The following DLGAP1 variants were observed in gnomAD, a reference collection of about 807,000 sequenced individuals.
DLGAP1 encodes the protein DLG associated protein 1.
A neutral mutation model predicts 90.8 loss-of-function variants in DLGAP1; 11 were observed. That is an observed-to-expected ratio of 0.12 (90% CI 0.08 to 0.20). DLGAP1 has a LOEUF of 0.20. Ranked by LOEUF, DLGAP1 falls within the 10% of genes least tolerant of loss-of-function variation. The probability of loss-of-function intolerance (pLI) is 1.00; values close to 1 mark genes in which losing one functional copy is unlikely to be tolerated. For missense variants in DLGAP1, 1,050 were observed against 1,333.8 expected, an observed-to-expected ratio of 0.79 and a Z score of 3.31; for synonymous variants, 558 against 540.7, an observed-to-expected ratio of 1.03 and a Z score of -0.44.
chr18:3,713,139 G>T lies in DLGAP1; in HGVS notation c.1591+15996C>A, dbSNP rs760575854. Among the ~76,000 whole-genome samples, 30 of 152,182 alleles carry T rather than the reference G, an allele frequency of 2.0e-4. No individual in the cohort carries two copies. The Middle Eastern group carries it at 0.013, about 64-fold the overall frequency. On this transcript the variant is annotated intron_variant, in intron 7 of 12. Coordinates refer to ENST00000315677, the MANE Select transcript of DLGAP1 (RefSeq NM_004746.4). ...CTGAACCACCAACAAGTACAGCCTGGGTTCGTGTGGACTCAGGACCATTCT... is the reference window on the plus strand; with the variant it reads ...CTGAACCACCAACAAGTACAGCCTGTGTTCGTGTGGACTCAGGACCATTCT...
chr18:3,893,368 G>T (rs2071528055), intron 3 of DLGAP1, among the ~76,000 whole-genome samples: 2 of 151,946 alleles, frequency 1.3e-5, no homozygotes, highest in South Asian at 4.2e-4. Context: ...CCTGAGGTCA[G>T]GAGTTCGAGA....
intron 1 of DLGAP1, among the ~76,000 whole-genome samples, chr18:4,356,613 C>A (rs1242971100): frequency 6.6e-6 from 1 of 152,172 alleles, no homozygotes; most frequent in Non-Finnish European, 1.5e-5. Context: ...TTTCCCGCCA[C>A]CTTTACTGTT....
intron 2 of DLGAP1, among the ~76,000 whole-genome samples, chr18:4,039,484 C>T (rs1454864641): frequency 6.6e-6 from 1 of 152,010 alleles, no homozygotes; most frequent in Non-Finnish European, 1.5e-5. Flanking sequence ...TTAATTATTC[C>T]ATCAAATAAA....
intron 10 of DLGAP1, among the ~76,000 whole-genome samples, chr18:3,524,574 C>T (rs1264030635): frequency 6.6e-6 from 1 of 152,158 alleles, no homozygotes; most frequent in Non-Finnish European, 1.5e-5. Context: ...CAAATATACA[C>T]AAAATTTATT....
chr18:3,989,389 A>G (rs2073914453), intron 3 of DLGAP1, among the ~76,000 whole-genome samples: 1 of 152,210 alleles, frequency 6.6e-6, no homozygotes, highest in Non-Finnish European at 1.5e-5. Context: ...TGGCAGGCTC[A>G]GGAGGCTGTG....
At chr18:4,151,425 AT>A (rs2076673063) in intron 1 of DLGAP1, 138 bp from the exon 2 acceptor site, 1 of 152,226 alleles carries the variant, frequency 6.6e-6, no homozygotes, top group Admixed American at 6.5e-5. Context: ...GAAAATCTAC[AT>A]GGCCGTGTTC....
At chr18:3,758,397 A>G (rs149410580) in intron 5 of DLGAP1, among the ~76,000 whole-genome samples, 1,615 of 152,338 alleles carry the variant, frequency 0.011, 36 homozygotes, top group African/African-American at 0.037. Flanking sequence ...CTATGAAGCT[A>G]TAATAACGGG....
chr18:4,248,657 A>G (rs1187261290), intron 1 of DLGAP1: 1 of 152,284 alleles, frequency 6.6e-6, no homozygotes, highest in Non-Finnish European at 1.5e-5. Context: ...CTCCACCTGG[A>G]TGTCTATTAC....
At chr18:3,725,690 C>T (rs922759024) in intron 7 of DLGAP1, among the ~76,000 whole-genome samples, 1 of 152,158 alleles carries the variant, frequency 6.6e-6, no homozygotes, top group Admixed American at 6.5e-5. Flanking sequence ...AAGTAGATTA[C>T]AGGCTGAAAG....
chr18:3,659,107 T>G (rs1258743000), intron 7 of DLGAP1, among the ~76,000 whole-genome samples: 1 of 152,202 alleles, frequency 6.6e-6, no homozygotes, highest in Non-Finnish European at 1.5e-5. Flanking sequence ...GGTAGGCCTT[T>G]ATATTGGGAA....
chr18:3,878,600 G>C (rs557622875), intron 4 of DLGAP1, among the ~76,000 whole-genome samples: 1 of 152,162 alleles, frequency 6.6e-6, no homozygotes. Context: ...TGGAAGCTCA[G>C]GTCGGGGTGT....
In DLGAP1 at chr18:3,600,745, T is replaced by TAG. The variant is rs1568277588; in HGVS notation, c.1592-18499_1592-18498dup. ...AGAGATATAGATATATATAGATATA[T>TAG]AGATATATATAGATATATAGATATA... is the stretch of plus-strand genomic sequence containing the variant. On this transcript the variant is annotated intron_variant, in intron 7 of 12. Transcript: ENST00000315677. Among the ~76,000 whole-genome samples the TAG allele has an allele frequency of 3.8e-3, 250 of 65,288 alleles. 62 individuals carry two copies. The highest frequency in any genetic ancestry group is 5.4e-3 in the South Asian group (11 of 2,052). 42.8% of individuals were successfully genotyped at this position (65,288 alleles called of 152,430 possible).
rs189775696 is a variant in DLGAP1, at chr18:4,305,958, C to T, written c.-267+149048G>A. Among the ~76,000 whole-genome samples the T allele has an allele frequency of 7.6e-4, 114 of 149,050 alleles. 1 individual carries two copies. In the South Asian group the frequency reaches 9.1e-3, roughly 12 times the overall value. ...TAGGTTTTAGTTTTGGGGAAGTTAT[C>T]GAGTAGAATGCTATCAGTCTCATTA... On this transcript the variant is annotated intron_variant, in intron 1 of 12. Transcript: ENST00000315677.
At chr18:4,298,775 A>T (rs561747222) in intron 1 of DLGAP1, among the ~76,000 whole-genome samples, 166 of 151,978 alleles carry the variant, frequency 1.1e-3, no homozygotes, top group African/African-American at 1.7e-3. Flanking sequence ...AATAAATAAA[A>T]AAAAAAAAGC....
At chr18:4,449,467 A>C (rs1394781986) in intron 1 of DLGAP1, among the ~76,000 whole-genome samples, 2 of 152,172 alleles carry the variant, frequency 1.3e-5, no homozygotes, top group African/African-American at 4.8e-5. Context: ...CATTGCAAAG[A>C]AGTGCCATGC....
chr18:4,086,032 A>G (rs2075676016), intron 2 of DLGAP1, among the ~76,000 whole-genome samples: 1 of 152,228 alleles, frequency 6.6e-6, no homozygotes, highest in Non-Finnish European at 1.5e-5. Flanking sequence ...TGTTCGTGTC[A>G]AATAACTACC....
intron 1 of DLGAP1, among the ~76,000 whole-genome samples, chr18:4,254,668 C>CAT (rs56658179): frequency 0.15 from 23,261 of 152,062 alleles, 4,540 homozygotes; most frequent in African/African-American, 0.46. Flanking sequence ...AAGAAATATG[C>CAT]ATGTTTTTGT....
chr18:3,636,095 T>A (rs990899764), intron 7 of DLGAP1, among the ~76,000 whole-genome samples: 1 of 151,254 alleles, frequency 6.6e-6, no homozygotes, highest in Non-Finnish European at 1.5e-5. Context: ...TTCTCAGATA[T>A]GTGTATGGTC....
intron 2 of DLGAP1, among the ~76,000 whole-genome samples, chr18:4,025,777 T>C (rs1399718616): frequency 2.0e-5 from 3 of 152,222 alleles, no homozygotes; most frequent in African/African-American, 4.8e-5. Flanking sequence ...ATAAATATCA[T>C]ATATACACAT....
Sources: allele counts gnomAD v4.1 joint callset (sites outside exome capture counted in the v4.1 genomes callset), GRCh38; gene constraint gnomAD v4.1.1; transcripts MANE v1.5; gene names NCBI Gene and HGNC (gene_info 2026-07-23, HGNC 2026-07-21).